The following PSIP1 variants were observed in gnomAD, a reference collection of about 807,000 sequenced individuals.
The protein encoded by PSIP1 is PC4 and SFRS1-interacting protein.
Under a neutral mutation model 74.7 loss-of-function variants are expected in PSIP1, and 19 were observed. The ratio of observed to expected loss-of-function variants is 0.25; its 90% CI spans 0.18 to 0.37. The LOEUF is 0.37. Ranked by LOEUF, PSIP1 falls within the 10% of genes least tolerant of loss-of-function variation. The pLI is 1.00. For missense variants in PSIP1, 601 were observed against 614.3 expected (o/e 0.98, Z 0.23); for synonymous variants, 222 against 195.3 (o/e 1.14, Z -1.14).
chr9:15,486,581 C>T (rs1000292717), intron 5 of PSIP1, among the ~76,000 whole-genome samples: 2 of 152,198 alleles, frequency 1.3e-5, no homozygotes, highest in African/African-American at 4.8e-5. Flanking sequence ...CCGCACCCTA[C>T]AGTTGGACTT....
Position 15,481,735 on chromosome 9 carries a change from A to G in PSIP1, c.457-2048T>C, listed in dbSNP as rs150553370. Among the ~76,000 whole-genome samples the G allele has an allele frequency of 6.7e-3, 1,025 of 152,288 alleles. 41 individuals are homozygous for G. The highest frequency in any genetic ancestry group is 0.059 in the Admixed American group (899 of 15,290). ...AGAGATGGTTTTTAAGGAGGTACCA[A>G]TAAGTGTAACAAGTTCATCAATAAT... On this transcript the variant is annotated intron_variant, in intron 6 of 15. Transcript: ENST00000380733.
intron 3 of PSIP1, among the ~76,000 whole-genome samples, chr9:15,490,591 GAGA>G (rs917032492): frequency 5.3e-5 from 8 of 149,684 alleles, no homozygotes; most frequent in African/African-American, 2.0e-4. Context: ...GATGAGGCAG[GAGA>G]ATCGCTTGAA....
intron 10 of PSIP1, chr9:15,470,650 A>G: frequency 3.2e-6 from 3 of 940,130 alleles, no homozygotes; most frequent in Non-Finnish European, 3.8e-6. Context: ...TTTTTTAAAA[A>G]AAACTTTATT....
rs199739979 is a variant in PSIP1, at chr9:15,470,168, ACT to A, written c.978-177_978-176del. Among the ~76,000 whole-genome samples the A allele has an allele frequency of 6.4e-3, 977 of 152,200 alleles. 15 individuals carry two copies. Among genetic ancestry groups the A allele is most frequent in the African/African-American group, 0.022 (923 of 41,526 alleles). On this transcript the variant is annotated intron_variant, in intron 10 of 15. Coordinates refer to ENST00000380733, the MANE Select transcript of PSIP1 (RefSeq NM_033222.5). The stretch of plus-strand genomic sequence containing the variant: ...GTTCCGTAGCATAAATATAAGCAAA[ACT>A]CTAATTAACATGCTAGATTAAATCA...
intron 3 of PSIP1, among the ~76,000 whole-genome samples, chr9:15,496,916 T>C (rs916971854): frequency 6.6e-6 from 1 of 152,048 alleles, no homozygotes; most frequent in South Asian, 2.1e-4. Flanking sequence ...AAATAACAAA[T>C]AATAACAAGT....
intron 6 of PSIP1, among the ~76,000 whole-genome samples, chr9:15,481,709 A>G (rs999924886): frequency 6.6e-6 from 1 of 152,094 alleles, no homozygotes; most frequent in Non-Finnish European, 1.5e-5. Context: ...TTATAGGTAA[A>G]AGAGATGGTT....
chr9:15,469,890 T>A (rs2035758631), intron 11 of PSIP1, 48 bp downstream of exon 11: 1 of 1,483,436 alleles, frequency 6.7e-7, no homozygotes, highest in East Asian at 2.3e-5. Flanking sequence ...CTATATAACT[T>A]CTTTTCCATG....
chr9:15,492,063 C>T (rs10738398), intron 3 of PSIP1: 109,518 of 152,134 alleles, frequency 0.72, 42,126 homozygotes, highest in Non-Finnish European at 0.85. Flanking sequence ...TATCATTCTG[C>T]CCCTGCCCCC....
chr9:15,489,948 T>G (rs560586664), intron 4 of PSIP1, 38 bp downstream of exon 4: 2 of 1,442,678 alleles, frequency 1.4e-6, no homozygotes, highest in African/African-American at 2.9e-5. Context: ...TCCCCAGGAT[T>G]AAATAAGTAA....
rs1386325244 is a variant in PSIP1, at chr9:15,510,893, C to T, written c.-218G>A. 3 of 152,456 alleles carry T rather than the reference C, an allele frequency of 2.0e-5. No homozygotes were observed. The highest frequency in any genetic ancestry group is 4.8e-5 in the African/African-American group (2 of 41,436). The allele number at this position is 152,456 out of a possible 1,614,324, so 9.4% of individuals were successfully genotyped here. ...CCGCGTCCACGCAAGCCACCTGCGC[C>T]ACCAGCTGCCGCAGAGGCGTCTCAA... On this transcript the variant is annotated 5_prime_UTR_variant, in exon 1 of 16. Transcript: ENST00000380733.
chr9:15,491,529 G>A (rs1201051205), intron 3 of PSIP1, among the ~76,000 whole-genome samples: 2 of 152,066 alleles, frequency 1.3e-5, no homozygotes, highest in African/African-American at 2.4e-5. Flanking sequence ...CACAAATAAC[G>A]AGCCTCAACT....
intron 6 of PSIP1, among the ~76,000 whole-genome samples, chr9:15,482,446 T>C (rs367874448): frequency 6.6e-6 from 1 of 152,304 alleles, no homozygotes; most frequent in Non-Finnish European, 1.5e-5. Context: ...AAGTCTTGCT[T>C]TGATGTGGAT....
rs759053981 is a variant in PSIP1 at position 15,486,084 on chromosome 9, G to A, written c.394-16C>T. The A allele has an allele frequency of 6.4e-6, 10 of 1,568,054 alleles. No homozygotes were observed. In the East Asian group the frequency reaches 2.2e-4, roughly 35 times the overall value. ...TAGTCACATCCTAAAAAAGAAAAAA[G>A]AAAACTGAATACTGAATAAATTATT... is the stretch of plus-strand genomic sequence containing the variant. On this transcript the variant is annotated splice_polypyrimidine_tract_variant and intron_variant, in intron 5 of 15. Coordinates refer to ENST00000380733, the MANE Select transcript of PSIP1 (RefSeq NM_033222.5).
chr9:15,501,636 G>A (rs2037348580), intron 3 of PSIP1, among the ~76,000 whole-genome samples: 1 of 151,860 alleles, frequency 6.6e-6, no homozygotes, highest in Non-Finnish European at 1.5e-5. Context: ...ATCATTTGTA[G>A]GTAGTTTTTG....
intron 10 of PSIP1, chr9:15,472,404 A>C: frequency 7.5e-7 from 1 of 1,338,522 alleles, no homozygotes; most frequent in Non-Finnish European, 9.5e-7. Flanking sequence ...ACTTCGTTTA[A>C]ATTCAAAAAT....
At chr9:15,477,211 TTTTAAAA>T (rs59161976) in intron 8 of PSIP1, among the ~76,000 whole-genome samples, 2,163 of 152,316 alleles carry the variant, frequency 0.014, 35 homozygotes, top group African/African-American at 0.05. Flanking sequence ...CTGCCACTAT[TTTTAAAA>T]ATTGACAGGT....
chr9:15,484,685 C>T (rs553008080), intron 6 of PSIP1, among the ~76,000 whole-genome samples: 78 of 151,970 alleles, frequency 5.1e-4, no homozygotes, highest in Non-Finnish European at 1.1e-3. Flanking sequence ...CGAGATGGCG[C>T]CACTGCACTT....
At chr9:15,469,190 CAT>C (rs1348790646) in intron 12 of PSIP1, 74 bp downstream of exon 12, 2 of 1,324,960 alleles carry the variant, frequency 1.5e-6, no homozygotes, top group Non-Finnish European at 2.1e-6. Flanking sequence ...TTTACATACT[CAT>C]AAGATCATGT....
intron 3 of PSIP1, among the ~76,000 whole-genome samples, chr9:15,494,565 CAAAAAAAAAAA>C (rs57170853): frequency 5.6e-4 from 21 of 37,560 alleles, no homozygotes; most frequent in South Asian, 2.9e-3. Flanking sequence ...AACTGCATCT[CAAAAAAAAAAA>C]AAAAAAAAAA....
Sources: allele counts gnomAD v4.1 joint callset (sites outside exome capture counted in the v4.1 genomes callset), GRCh38; gene constraint gnomAD v4.1.1; transcripts MANE v1.5; gene names NCBI Gene and HGNC (gene_info 2026-07-23, HGNC 2026-07-21).